The following KAZN variants were observed in gnomAD, a reference collection of about 807,000 sequenced individuals.
KAZN encodes kazrin, periplakin interacting protein.
A neutral mutation model predicts 87.4 loss-of-function variants in KAZN; 40 were observed. The observed-to-expected ratio is 0.46, with a 90% CI of 0.36 to 0.60. The LOEUF is 0.60. Among genes scored for constraint, KAZN ranks in the 20% least tolerant of loss-of-function variants. The pLI is 0.00. For missense variants in KAZN, 898 were observed against 1,073.9 expected (o/e 0.84, Z 2.29); for synonymous variants, 466 against 458.3 (o/e 1.02, Z -0.22).
At chr1:14,407,167 G>A (rs1158338671) in intron 2 of KAZN, among the ~76,000 whole-genome samples, 2 of 152,150 alleles carry the variant, frequency 1.3e-5, no homozygotes, top group Admixed American at 6.5e-5. Context: ...ATGGACATGT[G>A]GGTCATTCCT....
intron 7 of KAZN, among the ~76,000 whole-genome samples, 166 bp downstream of exon 7, chr1:15,063,788 G>A (rs1012093669): frequency 1.3e-5 from 2 of 151,388 alleles, no homozygotes; most frequent in Non-Finnish European, 2.9e-5. Context: ...AAGGCGGAGA[G>A]GATTTATGCC....
rs142660609 is a variant in KAZN at position 14,618,495 on chromosome 1, G to T, written c.226+19272G>T. ...GGGAGAAGACAATGGCAATGATGAAGATAATAAGTGACACTAATATGATGG... is the reference window on the plus strand; with the variant it reads ...GGGAGAAGACAATGGCAATGATGAATATAATAAGTGACACTAATATGATGG... On this transcript the variant is annotated intron_variant, in intron 1 of 14. Coordinates refer to ENST00000376030, the MANE Select transcript of KAZN (RefSeq NM_201628.3). Among the ~76,000 whole-genome samples the T allele has an allele frequency of 4.7e-3, 713 of 152,374 alleles. 5 individuals carry two copies. Among genetic ancestry groups the T allele is most frequent in the Middle Eastern group, 0.017 (5 of 294 alleles).
At chr1:14,768,999 G>C (rs1357676614) in intron 1 of KAZN, among the ~76,000 whole-genome samples, 1 of 152,232 alleles carries the variant, frequency 6.6e-6, no homozygotes. Context: ...GAGCATTGCA[G>C]AATTCTTCAC....
chr1:14,156,624 A>C (rs1645597983), intron 1 of KAZN, among the ~76,000 whole-genome samples: 1 of 152,112 alleles, frequency 6.6e-6, no homozygotes, highest in Non-Finnish European at 1.5e-5. Flanking sequence ...TTTGTCTTGA[A>C]ATCTATTTTG....
At chr1:14,463,723 C>T (rs1482064048) in intron 2 of KAZN, among the ~76,000 whole-genome samples, 1 of 152,116 alleles carries the variant, frequency 6.6e-6, no homozygotes, top group East Asian at 1.9e-4. Context: ...CGTCCTCAGC[C>T]CAAGCGTCTC....
intron 1 of KAZN, among the ~76,000 whole-genome samples, chr1:14,125,452 C>T (rs1171724676): frequency 6.6e-6 from 1 of 152,104 alleles, no homozygotes; most frequent in Admixed American, 6.5e-5. Flanking sequence ...CACCCTGGAT[C>T]GTCCAGGTGG....
At chr1:14,192,074 G>A (rs1646431441) in intron 2 of KAZN, among the ~76,000 whole-genome samples, 2 of 152,202 alleles carry the variant, frequency 1.3e-5, no homozygotes, top group African/African-American at 4.8e-5. Context: ...GTGGGCTAGA[G>A]AGTGGTGGAA....
At chr1:14,536,270 A>T (rs1672499180) in intron 2 of KAZN, among the ~76,000 whole-genome samples, 1 of 152,160 alleles carries the variant, frequency 6.6e-6, no homozygotes, top group African/African-American at 2.4e-5. Flanking sequence ...TCATTTCCCT[A>T]CGTTTTTATG....
Position 15,077,256 on chromosome 1 carries a change from C to T in KAZN, c.1222+11503C>T, listed in dbSNP as rs766344386. Among the ~76,000 whole-genome samples the T allele has an allele frequency of 3.9e-5, 6 of 152,182 alleles. No individual in the cohort carries two copies. The highest frequency in any genetic ancestry group is 5.9e-5 in the Non-Finnish European group (4 of 68,036). On this transcript the variant is annotated intron_variant, in intron 8 of 14. Coordinates refer to ENST00000376030, the MANE Select transcript of KAZN (RefSeq NM_201628.3). This position sits in a 1 kb window ranked among gnomAD's most constrained non-coding sequence, Gnocchi z 4.8. ...CTGTCACCTCCAGTCTAGATTCTCTCTCTGTGGACACCTCGTGCTCTGACA... is the reference window on the plus strand; with the variant it reads ...CTGTCACCTCCAGTCTAGATTCTCTTTCTGTGGACACCTCGTGCTCTGACA...
At chr1:15,050,360 G>A (rs555926892) in intron 4 of KAZN, among the ~76,000 whole-genome samples, 2 of 152,242 alleles carry the variant, frequency 1.3e-5, no homozygotes, top group South Asian at 2.1e-4. Context: ...CCACTGGGGA[G>A]GAAGAGGCGT....
At chr1:14,778,393 G>GAAA (rs34655175) in intron 1 of KAZN, among the ~76,000 whole-genome samples, 1 of 136,398 alleles carries the variant, frequency 7.3e-6, no homozygotes, top group East Asian at 2.2e-4. Flanking sequence ...TAACCCTTAA[G>GAAA]AAAAAAAAAA....
chr1:14,548,236 TCCCCCAGA>T (rs2148506761), intron 2 of KAZN, among the ~76,000 whole-genome samples: 1 of 150,154 alleles, frequency 6.7e-6, no homozygotes, highest in South Asian at 2.1e-4. Context: ...TCTTGCTCTG[TCCCCCAGA>T]CTGGAGTGCA....
chr1:14,883,751 G>A, intron 1 of KAZN, among the ~76,000 whole-genome samples: 1 of 152,154 alleles, frequency 6.6e-6, no homozygotes, highest in East Asian at 1.9e-4. Flanking sequence ...CAGACAGGGG[G>A]CCTACCTTTG....
chr1:14,360,281 C>A (rs746712966), intron 2 of KAZN, among the ~76,000 whole-genome samples: 3 of 152,158 alleles, frequency 2.0e-5, no homozygotes, highest in Non-Finnish European at 4.4e-5. Context: ...CTGTGTTTTT[C>A]AGCTCCATCA....
intron 2 of KAZN, among the ~76,000 whole-genome samples, chr1:14,348,257 G>A (rs1233688152): frequency 1.3e-5 from 2 of 151,918 alleles, no homozygotes; most frequent in Non-Finnish European, 1.5e-5. Flanking sequence ...TCACTATGTT[G>A]GCCAGGCTGG....
At chr1:14,301,559 T>C (rs72644452) in intron 2 of KAZN, among the ~76,000 whole-genome samples, 38,240 of 152,230 alleles carry the variant, frequency 0.25, 5,521 homozygotes, top group Non-Finnish European at 0.34. Context: ...GGCACCCGCC[T>C]TCCTCTTTGA....
intron 2 of KAZN, among the ~76,000 whole-genome samples, chr1:14,251,107 G>A (rs1649992921): frequency 6.6e-6 from 1 of 152,160 alleles, no homozygotes; most frequent in African/African-American, 2.4e-5. Flanking sequence ...ATCTATGCTT[G>A]TGTGATTCCT....
At chr1:14,522,691 T>C (rs1220259685) in intron 2 of KAZN, among the ~76,000 whole-genome samples, 2 of 152,192 alleles carry the variant, frequency 1.3e-5, no homozygotes, top group Non-Finnish European at 2.9e-5. Context: ...CAATAGATAA[T>C]GCATCTGCAA....
chr1:14,519,796 C>T (rs1416415707), intron 2 of KAZN, among the ~76,000 whole-genome samples: 3 of 152,060 alleles, frequency 2.0e-5, no homozygotes, highest in African/African-American at 7.2e-5. Context: ...CCCCAGAGTC[C>T]CATGTGTCTG....
Sources: allele counts gnomAD v4.1 joint callset (sites outside exome capture counted in the v4.1 genomes callset), GRCh38; gene constraint gnomAD v4.1.1; non-coding constraint Gnocchi (gnomAD v3.1); transcripts MANE v1.5; gene names NCBI Gene and HGNC (gene_info 2026-07-23, HGNC 2026-07-21).